The following ZPBP variants were observed in gnomAD, a reference collection of about 807,000 sequenced individuals.
ZPBP encodes the protein zona pellucida binding protein.
Under a neutral mutation model 44.8 loss-of-function variants are expected in ZPBP, and 26 were observed. The ratio of observed to expected loss-of-function variants is 0.58; its 90% CI spans 0.43 to 0.81. The LOEUF (loss-of-function observed/expected upper bound fraction) is 0.81. Among genes scored for constraint, ZPBP ranks in the 30% least tolerant of loss-of-function variants. The probability of loss-of-function intolerance (pLI) is 0.00; values close to 1 mark genes in which losing one functional copy is unlikely to be tolerated. For missense variants in ZPBP, 409 were observed against 434.0 expected (o/e 0.94, Z 0.51); for synonymous variants, 174 against 153.2 (o/e 1.14, Z -1.00).
intron 3 of ZPBP, among the ~76,000 whole-genome samples, chr7:50,064,791 C>T (rs1801420334): frequency 6.6e-6 from 1 of 152,134 alleles, no homozygotes; most frequent in Non-Finnish European, 1.5e-5. Flanking sequence ...ACATGCTGTA[C>T]AATTTGTGCA....
chr7:50,058,156 TAC>T lies in ZPBP; in HGVS notation c.335-17_335-16del. ...GCGGTTTTCTACTAAAGGAATAAGA[TAC>T]AGTTACGAGTTGCTTAAATTACATG... On this transcript the variant is annotated splice_polypyrimidine_tract_variant and intron_variant, in intron 3 of 7. Transcript: ENST00000046087. 1.2e-6 allele frequency: 2 copies of T among 1,613,250 alleles called. No individual in the cohort carries two copies. The highest frequency in any genetic ancestry group is 1.7e-6 in the Non-Finnish European group (2 of 1,179,548).
chr7:49,948,279 G>A (rs933065639), intron 7 of ZPBP, among the ~76,000 whole-genome samples: 3 of 152,134 alleles, frequency 2.0e-5, no homozygotes, highest in African/African-American at 7.2e-5. Context: ...CAGCAGGAGG[G>A]ATAATCACTG....
chr7:50,016,135 C>T lies in ZPBP; in HGVS notation c.783+2105G>A, dbSNP rs560637735. Among the ~76,000 whole-genome samples the T allele has an allele frequency of 3.9e-5, 6 of 152,168 alleles. No homozygotes were observed. In the South Asian group the frequency reaches 1.2e-3, roughly 32 times the overall value. ...TGTATATGTTCACTGCCACTATTTACAATAGCAAAGACATGGAATCAACCT... is the reference window on the plus strand; with the variant it reads ...TGTATATGTTCACTGCCACTATTTATAATAGCAAAGACATGGAATCAACCT... On this transcript the variant is annotated intron_variant, in intron 6 of 7. Transcript: ENST00000046087.
At position 49,859,195 on chromosome 7, in the gene ZPBP, A is replaced by G. The variant is rs562240143; in HGVS notation, n.510-8681T>C. 3.9e-5 allele frequency among the ~76,000 whole-genome samples: 6 copies of G among 152,312 alleles called. No individual in the cohort carries two copies. The South Asian group carries it at 1.2e-3, about 32-fold the overall frequency. ...TTATAATACCTTTAGGAGTTTTTAA[A>G]GTCTTCTTTAAGGGTTTTATATATT... is the stretch of plus-strand genomic sequence containing the variant. On this transcript the variant is annotated intron_variant and non_coding_transcript_variant, in intron 2 of 2. Coordinates refer to the ZPBP transcript ENST00000465922.
rs546578221 is a variant in ZPBP at position 50,079,366 on chromosome 7, T to G, written c.334+2408A>C. 2.6e-5 allele frequency among the ~76,000 whole-genome samples: 4 copies of G among 151,796 alleles called. No homozygotes were observed. In the South Asian group the frequency reaches 8.3e-4, roughly 31 times the overall value. Reference sequence around the variant, plus strand: ...GTTAAAATTAATATGTGTAAATTGTTAGAATAATATCTGACACATAGTAAT... The same window carrying G: ...GTTAAAATTAATATGTGTAAATTGTGAGAATAATATCTGACACATAGTAAT... On this transcript the variant is annotated intron_variant, in intron 3 of 7. Coordinates refer to ENST00000046087, the MANE Select transcript of ZPBP (RefSeq NM_007009.3).
intron 7 of ZPBP, among the ~76,000 whole-genome samples, chr7:49,953,835 T>C (rs1795457914): frequency 6.6e-6 from 1 of 152,142 alleles, no homozygotes; most frequent in Non-Finnish European, 1.5e-5. Context: ...ATAGACATTC[T>C]GTATTCATGA....
chr7:50,020,752 A>C (rs982833292), intron 5 of ZPBP, among the ~76,000 whole-genome samples: 1 of 152,132 alleles, frequency 6.6e-6, no homozygotes, highest in South Asian at 2.1e-4. Flanking sequence ...AAAAAAATGA[A>C]GAAAAATGGT....
At chr7:50,046,838 A>G (rs1478627893) in intron 4 of ZPBP, among the ~76,000 whole-genome samples, 3 of 152,206 alleles carry the variant, frequency 2.0e-5, no homozygotes, top group African/African-American at 4.8e-5. Context: ...ATAAAGACAC[A>G]TGTATATGTA....
At chr7:49,856,984 T>A (rs969553508) in intron 2 of ZPBP, among the ~76,000 whole-genome samples, 1 of 111,500 alleles carries the variant, frequency 9.0e-6, no homozygotes, top group African/African-American at 3.6e-5. Context: ...CACTCCAACC[T>A]GGGTGACAGA....
chr7:50,081,233 A>G (rs1418585367), intron 3 of ZPBP, among the ~76,000 whole-genome samples: 1 of 151,778 alleles, frequency 6.6e-6, no homozygotes, highest in Non-Finnish European at 1.5e-5. Context: ...AAAACATGGT[A>G]AATAGAGCAA....
intron 1 of ZPBP, among the ~76,000 whole-genome samples, chr7:50,090,632 T>TAC (rs1361969212): frequency 1.3e-5 from 2 of 150,886 alleles, no homozygotes; most frequent in East Asian, 1.9e-4. Context: ...TGTGTATATA[T>TAC]ATACACACAC....
chr7:49,923,317 T>C (rs76126211), intron 1 of ZPBP, among the ~76,000 whole-genome samples: 2 of 152,294 alleles, frequency 1.3e-5, no homozygotes, highest in South Asian at 2.1e-4. Context: ...ACAGATTCCA[T>C]GTAAAAAAGA....
chr7:49,981,418 T>G (rs1329175053), intron 7 of ZPBP, among the ~76,000 whole-genome samples: 1 of 44,098 alleles, frequency 2.3e-5, no homozygotes, highest in Non-Finnish European at 4.0e-5. Context: ...ATATATAATA[T>G]ATAATATAAA....
At chr7:50,012,173 TG>T (rs1192075618) in intron 6 of ZPBP, among the ~76,000 whole-genome samples, 1 of 152,038 alleles carries the variant, frequency 6.6e-6, no homozygotes, top group Non-Finnish European at 1.5e-5. Flanking sequence ...AGCAATTTCA[TG>T]CCAGAAAAAT....
intron 4 of ZPBP, among the ~76,000 whole-genome samples, chr7:50,045,270 A>G (rs1365327501): frequency 2.0e-5 from 3 of 152,242 alleles, no homozygotes; most frequent in African/African-American, 7.2e-5. Flanking sequence ...CACCACTCCT[A>G]TTCAATATAG....
intron 2 of ZPBP, among the ~76,000 whole-genome samples, chr7:49,875,439 A>G (rs1464191743): frequency 7.3e-6 from 1 of 137,560 alleles, no homozygotes; most frequent in Non-Finnish European, 1.5e-5. Flanking sequence ...TAAAAATAGG[A>G]AAAAAAAAAG....
intron 2 of ZPBP, among the ~76,000 whole-genome samples, chr7:49,900,847 A>T (rs1345783052): frequency 2.0e-5 from 3 of 151,928 alleles, no homozygotes; most frequent in Admixed American, 6.6e-5. Flanking sequence ...AAGAATATAG[A>T]TGCAAAAATC....
intron 3 of ZPBP, among the ~76,000 whole-genome samples, chr7:50,066,271 T>C (rs1409709452): frequency 2.0e-5 from 3 of 150,612 alleles, no homozygotes; most frequent in African/African-American, 4.9e-5. Flanking sequence ...CTTTTTTTTT[T>C]TTCTCTGATT....
At chr7:49,985,832 C>T (rs2128783894) in intron 6 of ZPBP, among the ~76,000 whole-genome samples, 1 of 152,238 alleles carries the variant, frequency 6.6e-6, no homozygotes, top group South Asian at 2.1e-4. Flanking sequence ...AGACTGGGGG[C>T]CTGCCTGCAC....
Sources: allele counts gnomAD v4.1 joint callset (sites outside exome capture counted in the v4.1 genomes callset), GRCh38; gene constraint gnomAD v4.1.1; transcripts MANE v1.5; gene names NCBI Gene and HGNC (gene_info 2026-07-23, HGNC 2026-07-21).